The following LHPP variants were observed in gnomAD, a reference collection of about 807,000 sequenced individuals.
LHPP encodes the protein hLHPP.
LHPP carries 24 observed loss-of-function variants against 30.3 expected under a neutral mutation model. The ratio of observed to expected loss-of-function variants is 0.79; its 90% CI spans 0.57 to 1.11. The LOEUF (loss-of-function observed/expected upper bound fraction) is 1.11. LHPP is among the 50% of genes most tolerant of loss of function. The pLI is 0.00. For synonymous variants in LHPP, 150 were observed against 157.1 expected, an observed-to-expected ratio of 0.95 and a Z score of 0.34; for missense variants, 356 against 367.2, an observed-to-expected ratio of 0.97 and a Z score of 0.25.
intron 6 of LHPP, among the ~76,000 whole-genome samples, chr10:124,544,798 G>A (rs1364945679): frequency 3.3e-5 from 5 of 152,228 alleles, no homozygotes; most frequent in Admixed American, 2.0e-4. Context: ...ATGCGATGAG[G>A]TGGGGGCCCA....
intron 6 of LHPP, among the ~76,000 whole-genome samples, chr10:124,549,211 A>C (rs1955421334): frequency 6.6e-6 from 1 of 152,210 alleles, no homozygotes; most frequent in Non-Finnish European, 1.5e-5. Context: ...CCAAGGCAGG[A>C]GGATTGCTTG....
chr10:124,565,367 G>A (rs1564833738), intron 6 of LHPP, among the ~76,000 whole-genome samples: 1 of 152,172 alleles, frequency 6.6e-6, no homozygotes, highest in Non-Finnish European at 1.5e-5. Flanking sequence ...AATACAGACA[G>A]GTGTCTTCAG....
rs10682827 is a variant in LHPP at position 124,470,648 on chromosome 10, T to TAACAACAACAACAAC, written c.125+8682_125+8696dup. 6.5e-3 allele frequency among the ~76,000 whole-genome samples: 949 copies of TAACAACAACAACAAC among 145,014 alleles called. 9 individuals are homozygous for TAACAACAACAACAAC. Among genetic ancestry groups the TAACAACAACAACAAC allele is most frequent in the South Asian group, 0.019 (84 of 4,508 alleles). On this transcript the variant is annotated intron_variant, in intron 1 of 6. Transcript: ENST00000368842. ...AGGTCCCTGGGAGTAGCAGCAATAG[T>TAACAACAACAACAAC]AACAACAACAACAACAACAACAACA...
intron 6 of LHPP, among the ~76,000 whole-genome samples, chr10:124,548,731 A>C (rs928475430): frequency 6.6e-6 from 1 of 152,144 alleles, no homozygotes; most frequent in Non-Finnish European, 1.5e-5. Context: ...GGGCAGGTGG[A>C]TCTTCGAGAA....
chr10:124,561,529 C>T lies in LHPP; in HGVS notation c.716+44258C>T, dbSNP rs575835317. On this transcript the variant is annotated intron_variant, in intron 6 of 6. Transcript: ENST00000368842. ...ACTCAGAGGTTACAAGGCTATCCGC[C>T]CCCCCCACAACAGTGACAATGGAGC... Among the ~76,000 whole-genome samples the T allele has an allele frequency of 3.3e-5, 5 of 151,986 alleles. No homozygotes were observed. The East Asian group carries it at 5.8e-4, about 18-fold the overall frequency.
chr10:124,607,534 C>T (rs893458677), intron 6 of LHPP, among the ~76,000 whole-genome samples: 3 of 152,198 alleles, frequency 2.0e-5, no homozygotes, highest in African/African-American at 4.8e-5. Flanking sequence ...GGTACACGTG[C>T]GGAGTGGGGC....
chr10:124,573,137 G>A (rs1948611337), intron 6 of LHPP, among the ~76,000 whole-genome samples: 1 of 152,200 alleles, frequency 6.6e-6, no homozygotes, highest in Middle Eastern at 3.2e-3. Context: ...ACGTGTTTGT[G>A]TTTTAAAAAT....
intron 6 of LHPP, among the ~76,000 whole-genome samples, chr10:124,610,362 A>T (rs1373265781): frequency 7.1e-6 from 1 of 140,972 alleles, no homozygotes; most frequent in African/African-American, 2.9e-5. Context: ...GGTGCGGGTG[A>T]GGGTGCTGGT....
chr10:124,535,388 T>A (rs1347401473), intron 6 of LHPP, among the ~76,000 whole-genome samples: 1 of 152,164 alleles, frequency 6.6e-6, no homozygotes, highest in African/African-American at 2.4e-5. Flanking sequence ...CAGCTTTAAG[T>A]TAGTCCTGTG....
At chr10:124,609,911 A>G (rs538041621) in intron 6 of LHPP, among the ~76,000 whole-genome samples, 1 of 152,298 alleles carries the variant, frequency 6.6e-6, no homozygotes, top group East Asian at 1.9e-4. Context: ...GCATTTGTCC[A>G]GTGTTTGACT....
intron 6 of LHPP, among the ~76,000 whole-genome samples, chr10:124,522,401 G>T (rs1004142844): frequency 1.3e-5 from 2 of 152,174 alleles, no homozygotes; most frequent in African/African-American, 4.8e-5. Flanking sequence ...TGTCTCCTCC[G>T]TGGGGGGTCC....
intron 6 of LHPP, among the ~76,000 whole-genome samples, chr10:124,609,193 C>T (rs927301532): frequency 1.6e-4 from 24 of 152,206 alleles, no homozygotes; most frequent in African/African-American, 4.8e-4. Context: ...AAAGACAGGC[C>T]GCAGGTAGGA....
chr10:124,592,417 G>A lies in LHPP; in HGVS notation c.717-20847G>A, dbSNP rs936306998. ...CACTGGACCTAGGGCTCAGGTTTGA[G>A]CTTTCATGATGAGACCCTGAGGTCA... On this transcript the variant is annotated intron_variant, in intron 6 of 6. Coordinates refer to ENST00000368842, the MANE Select transcript of LHPP (RefSeq NM_022126.4). This position sits in a 1 kb window ranked among gnomAD's most constrained non-coding sequence, Gnocchi z 6.2. 1.5e-4 allele frequency among the ~76,000 whole-genome samples: 23 copies of A among 152,350 alleles called. No individual in the cohort carries two copies. The highest frequency in any genetic ancestry group is 5.1e-4 in the African/African-American group (21 of 41,584).
chr10:124,543,212 T>G (rs540278122), intron 6 of LHPP, among the ~76,000 whole-genome samples: 28 of 152,342 alleles, frequency 1.8e-4, no homozygotes, highest in Middle Eastern at 3.4e-3. Flanking sequence ...TCCACCTCCC[T>G]GGCTGCTCCT....
chr10:124,575,052 A>G (rs777756696), intron 6 of LHPP, among the ~76,000 whole-genome samples: 3 of 152,206 alleles, frequency 2.0e-5, no homozygotes, highest in Non-Finnish European at 4.4e-5. Flanking sequence ...GCAGCCTCGA[A>G]ACAGAGCCCT....
intron 5 of LHPP, among the ~76,000 whole-genome samples, chr10:124,499,645 A>T (rs779628465): frequency 6.6e-6 from 1 of 151,520 alleles, no homozygotes; most frequent in Admixed American, 6.6e-5. Context: ...ATAGAGTGAG[A>T]CTCCTTCTTT....
At chr10:124,470,651 C>CAACAAA (rs1952701325) in intron 1 of LHPP, among the ~76,000 whole-genome samples, 1 of 140,312 alleles carries the variant, frequency 7.1e-6, no homozygotes, top group East Asian at 2.1e-4. Context: ...GCAATAGTAA[C>CAACAAA]AACAACAACA....
intron 1 of LHPP, among the ~76,000 whole-genome samples, chr10:124,474,472 A>G (rs1413622995): frequency 6.6e-6 from 1 of 152,066 alleles, no homozygotes; most frequent in Non-Finnish European, 1.5e-5. Context: ...AACTCGGTGT[A>G]CATGCTAAAC....
chr10:124,561,810 C>T (rs1948399524), intron 6 of LHPP, among the ~76,000 whole-genome samples: 1 of 152,050 alleles, frequency 6.6e-6, no homozygotes, highest in Admixed American at 6.6e-5. Flanking sequence ...CCCAAAATGT[C>T]CAGCTTGTGG....
Sources: allele counts gnomAD v4.1 joint callset (sites outside exome capture counted in the v4.1 genomes callset), GRCh38; gene constraint gnomAD v4.1.1; non-coding constraint Gnocchi (gnomAD v3.1); transcripts MANE v1.5; gene names NCBI Gene and HGNC (gene_info 2026-07-23, HGNC 2026-07-21).